UBAP2: variants seen among roughly 807,000 people sequenced by gnomAD.
The protein encoded by UBAP2 is ubiquitin associated protein 2.
A neutral mutation model predicts 139.6 loss-of-function variants in UBAP2; 75 were observed. That is an observed-to-expected ratio of 0.54 (90% confidence interval 0.45 to 0.65). The LOEUF is 0.65. Ranked by LOEUF, UBAP2 falls within the 30% of genes least tolerant of loss-of-function variation. The pLI, the probability that UBAP2 is intolerant of heterozygous loss-of-function variation, is 0.00. For missense variants in UBAP2, 1,368 were observed against 1,369.6 expected (o/e 1.00, Z 0.02); for synonymous variants, 526 against 526.2 (o/e 1.00, Z 0.01).
chr9:33,979,917 C>T (rs961151676), intron 6 of UBAP2, among the ~76,000 whole-genome samples: 1 of 151,050 alleles, frequency 6.6e-6, no homozygotes, highest in Middle Eastern at 3.5e-3. Flanking sequence ...ACTAAAAATA[C>T]AAAAAATTAG....
chr9:34,002,910 AC>A (rs911572081), intron 2 of UBAP2, among the ~76,000 whole-genome samples: 2 of 151,284 alleles, frequency 1.3e-5, no homozygotes, highest in South Asian at 4.2e-4. Flanking sequence ...TTAATATTGA[AC>A]CCCCCGAGCT....
rs762235089 is a variant in UBAP2 at position 33,923,486 on chromosome 9, G to A, written c.2797-8C>T. The A allele has an allele frequency of 2.5e-6, 4 of 1,613,846 alleles. No individual in the cohort carries two copies. The South Asian group carries it at 3.3e-5, about 13-fold the overall frequency. On this transcript the variant is annotated splice_polypyrimidine_tract_variant and splice_region_variant and intron_variant, in intron 24 of 28. Coordinates refer to ENST00000379238, the MANE Select transcript of UBAP2 (RefSeq NM_001370062.2). ...GGCTGAGGCTGGAGGGACCTGGGGG[G>A]GCAAGCAGATGAGGTATTAGTGTAG...
At chr9:33,975,553 C>T (rs540626121) in intron 6 of UBAP2, among the ~76,000 whole-genome samples, 21 of 151,756 alleles carry the variant, frequency 1.4e-4, no homozygotes, top group Non-Finnish European at 3.1e-4. Flanking sequence ...AATCCCAGCA[C>T]TTTGGGAGGC....
rs1822913668 is a variant in UBAP2 at position 33,921,890 on chromosome 9, G to A, written c.*614C>T. The A allele has an allele frequency of 6.6e-6, 1 of 152,124 alleles. No homozygotes were observed. The highest frequency in any genetic ancestry group is 2.1e-4 in the South Asian group (1 of 4,814). The allele number at this position is 152,124 out of a possible 1,614,324, so 9.4% of individuals were successfully genotyped here. ...CAGCCAGTCTCTAGTAAGTCTCTAG[G>A]GACATGACCAGACCAGAAGCCCCTG... is the stretch of plus-strand genomic sequence containing the variant. On this transcript the variant is annotated 3_prime_UTR_variant, in exon 29 of 29. Transcript: ENST00000379238.
intron 6 of UBAP2, among the ~76,000 whole-genome samples, chr9:33,975,449 A>AAC (rs1554685770): frequency 0.014 from 2,041 of 146,550 alleles, 18 homozygotes; most frequent in Non-Finnish European, 0.019. Context: ...AAAAAACAAA[A>AAC]AAAAAACCAA....
intron 8 of UBAP2, among the ~76,000 whole-genome samples, chr9:33,966,326 G>C (rs945487014): frequency 2.0e-5 from 3 of 151,876 alleles, no homozygotes; most frequent in Non-Finnish European, 4.4e-5. Context: ...GGGCATGGTG[G>C]TGCACACCTG....
chr9:34,017,526 C>T lies in UBAP2; in HGVS notation c.-41-337G>A, dbSNP rs879495767. On this transcript the variant is annotated intron_variant, in intron 1 of 28. Transcript: ENST00000379238. ...AGTTGCTATTTGAACCCCAAAACAA[C>T]ATTGCACCCAGCCAAGATTTTACCT... Among the ~76,000 whole-genome samples the T allele has an allele frequency of 5.3e-5, 8 of 152,278 alleles. No homozygotes were observed. In the South Asian group the frequency reaches 8.3e-4, roughly 16 times the overall value.
In UBAP2 at chr9:33,948,559, T is replaced by A. The variant is rs1264904928; in HGVS notation, c.1085A>T (p.Glu362Val). Reference sequence around the variant, plus strand: ...GTTTGCCATTTTTGGTGGTGCAAGCTCTCCAAATCCTGAGCCAAGGACGGA... The same window carrying A: ...GTTTGCCATTTTTGGTGGTGCAAGCACTCCAAATCCTGAGCCAAGGACGGA... ...LSSVLGSGFG[E>V]LAPPKMANIT... Residue 362 changes from glutamate (E) to valine (V), a missense_variant, in exon 13 of 29, where the codon GAG (glutamate) becomes GTG (valine). By Grantham distance (121) the Glu-to-Val change is moderately radical. Transcript: ENST00000379238. 6.2e-7 allele frequency: 1 copy of A among 1,614,038 alleles called. No individual in the cohort carries two copies. The highest frequency in any genetic ancestry group is 2.2e-5 in the East Asian group (1 of 44,876).
rs143401700 is a variant in UBAP2 at position 33,953,416 on chromosome 9, T to G, written c.925A>C (p.Asn309His). The stretch of plus-strand genomic sequence containing the variant: ...TGCTGTTGGGAAGTTTCAAAGGAGT[T>G]GGCTTCTGAGGCTTGACTGTGAGGA... ...PVPHSQASEANSFETSQQQGF... is the reference protein window; with the variant it reads ...PVPHSQASEAHSFETSQQQGF... Residue 309 changes from asparagine to histidine, a missense_variant, in exon 12 of 29, where the codon AAC becomes CAC. By Grantham distance (68) the Asn-to-His change is moderately conservative. Coordinates refer to ENST00000379238, the MANE Select transcript of UBAP2 (RefSeq NM_001370062.2). 1,103 of 1,614,162 alleles carry G rather than the reference T, an allele frequency of 6.8e-4. No homozygotes were observed. The highest frequency in any genetic ancestry group is 8.6e-4 in the Non-Finnish European group (1,015 of 1,180,016).
Position 33,975,661 on chromosome 9 carries a change from C to T in UBAP2, c.521-2424G>A, listed in dbSNP as rs149527021. ...AAAATACAAAAAAAAGAAAAATTAG[C>T]CAGGCGTAGTGGCAGGCGCCTGTAG... On this transcript the variant is annotated intron_variant, in intron 6 of 28. Coordinates refer to ENST00000379238, the MANE Select transcript of UBAP2 (RefSeq NM_001370062.2). Among the ~76,000 whole-genome samples the T allele has an allele frequency of 5.9e-5, 9 of 151,570 alleles. No homozygotes were observed. The East Asian group carries it at 1.8e-3, about 29-fold the overall frequency.
At chr9:33,992,159 C>T (rs1477357059) in intron 4 of UBAP2, among the ~76,000 whole-genome samples, 3 of 151,782 alleles carry the variant, frequency 2.0e-5, no homozygotes, top group Middle Eastern at 3.2e-3. Context: ...GGAGGCTGAG[C>T]GGGTGGATCA....
intron 4 of UBAP2, among the ~76,000 whole-genome samples, chr9:33,989,901 A>G (rs1466437820): frequency 6.6e-6 from 1 of 152,200 alleles, no homozygotes; most frequent in Non-Finnish European, 1.5e-5. Context: ...ATGGCAGATA[A>G]GTAAAATTTT....
At chr9:34,032,916 C>CAAA (rs71506153) in intron 1 of UBAP2, among the ~76,000 whole-genome samples, 26 of 118,050 alleles carry the variant, frequency 2.2e-4, no homozygotes, top group South Asian at 5.8e-4. Flanking sequence ...ACCCTGTCTT[C>CAAA]AAAAAAAAAA....
At chr9:34,018,109 C>G (rs528544035) in intron 1 of UBAP2, among the ~76,000 whole-genome samples, 1 of 151,622 alleles carries the variant, frequency 6.6e-6, no homozygotes, top group South Asian at 2.1e-4. Context: ...ACTGCTTGAG[C>G]CCAAGAGTTT....
At chr9:34,013,887 AG>A (rs1213072481) in intron 2 of UBAP2, among the ~76,000 whole-genome samples, 1 of 152,018 alleles carries the variant, frequency 6.6e-6, no homozygotes, top group Non-Finnish European at 1.5e-5. Context: ...AAAAAAAAAA[AG>A]AAAGAAAAAA....
At chr9:33,955,515 G>A (rs1329105996) in intron 11 of UBAP2, among the ~76,000 whole-genome samples, 4 of 146,500 alleles carry the variant, frequency 2.7e-5, no homozygotes, top group Non-Finnish European at 6.0e-5. Context: ...GTGAGACTCC[G>A]TCTCAAAAAA....
intron 2 of UBAP2, among the ~76,000 whole-genome samples, chr9:34,003,347 C>T (rs1351235937): frequency 1.3e-5 from 2 of 149,658 alleles, no homozygotes; most frequent in African/African-American, 2.5e-5. Flanking sequence ...CATTCTTATA[C>T]CCAAATCTGT....
rs373052545 is a variant in UBAP2, at chr9:33,998,876, A to G, written c.100-12T>C. On this transcript the variant is annotated splice_polypyrimidine_tract_variant and intron_variant, in intron 2 of 28. Coordinates refer to ENST00000379238, the MANE Select transcript of UBAP2 (RefSeq NM_001370062.2). The stretch of plus-strand genomic sequence containing the variant: ...TGTTCAGCTGTTGCCTGGAAAGTAC[A>G]TACAATTGTTAAGGATTTGAACACC... 1 of 1,606,892 alleles carries G rather than the reference A, an allele frequency of 6.2e-7. No individual in the cohort carries two copies. The highest frequency in any genetic ancestry group is 8.5e-7 in the Non-Finnish European group (1 of 1,178,502).
chr9:34,020,922 A>T (rs1482471348), intron 1 of UBAP2, among the ~76,000 whole-genome samples: 3 of 152,070 alleles, frequency 2.0e-5, no homozygotes, highest in African/African-American at 7.2e-5. Context: ...TCGGCCTCCC[A>T]AAGTGGTGGG....
Sources: gnomAD v4.1 joint callset for allele counts (sites outside exome capture counted in the v4.1 genomes callset) on GRCh38, gnomAD v4.1.1 for gene constraint, MANE v1.5 for transcripts, NCBI Gene and HGNC (gene_info 2026-07-23, HGNC 2026-07-21) for gene names.